Variants in NRCAM observed in about 807,000 individuals in gnomAD.
The protein encoded by NRCAM is neuronal cell adhesion molecule.
In NRCAM, 83 loss-of-function variants were observed where a neutral mutation model predicts 156.5. The ratio of observed to expected loss-of-function variants is 0.53; its 90% CI spans 0.44 to 0.64. The LOEUF (loss-of-function observed/expected upper bound fraction) is 0.64, where lower values mean the gene tolerates loss of function less well. NRCAM is among the 30% of genes least tolerant of loss of function. NRCAM has a pLI of 0.00. For missense variants in NRCAM, 1,417 were observed against 1,597.3 expected (o/e 0.89, Z 1.92); for synonymous variants, 538 against 563.9 (o/e 0.95, Z 0.65).
rs1486933360 is a variant in NRCAM at position 108,184,370 on chromosome 7, T to C, written c.2233+47A>G. ...TGGCCTTTTGCGAAGAGTGGAAAAC[T>C]TTTTTATTATATTTCGTACCCTAGA... On this transcript the variant is annotated intron_variant, in intron 21 of 32. Transcript: ENST00000379028. The C allele has an allele frequency of 1.9e-6, 3 of 1,613,432 alleles. No homozygotes were observed. The Admixed American group carries it at 5.0e-5, about 27-fold the overall frequency.
At chr7:108,377,043 A>G (rs1008490102) in intron 2 of NRCAM, among the ~76,000 whole-genome samples, 1 of 133,034 alleles carries the variant, frequency 7.5e-6, no homozygotes, top group African/African-American at 2.5e-5. Flanking sequence ...ATGTACCTGT[A>G]GTCCTAGCTA....
intron 1 of NRCAM, among the ~76,000 whole-genome samples, chr7:108,428,519 C>CA (rs1478594414): frequency 6.6e-6 from 1 of 152,184 alleles, no homozygotes. Context: ...TGAATAAACT[C>CA]ACAGAGGCTG....
chr7:108,250,574 CAGA>C (rs1481866736), intron 3 of NRCAM, among the ~76,000 whole-genome samples: 2 of 150,278 alleles, frequency 1.3e-5, no homozygotes, highest in Admixed American at 1.3e-4. Context: ...GGAGGTAGAG[CAGA>C]AGAATGGTCA....
intron 2 of NRCAM, among the ~76,000 whole-genome samples, chr7:108,326,516 C>T (rs980026309): frequency 9.9e-5 from 15 of 151,922 alleles, no homozygotes; most frequent in African/African-American, 3.4e-4. Context: ...TGGAAAGAAA[C>T]CATGAAAATC....
At chr7:108,273,966 C>T (rs943855028) in intron 3 of NRCAM, among the ~76,000 whole-genome samples, 10 of 152,182 alleles carry the variant, frequency 6.6e-5, no homozygotes, top group African/African-American at 2.4e-4. Flanking sequence ...ATATGGCTAG[C>T]CAGTTTGCCC....
intron 32 of NRCAM, among the ~76,000 whole-genome samples, chr7:108,153,198 AC>A (rs1178273630): frequency 6.6e-6 from 1 of 152,128 alleles, no homozygotes; most frequent in Non-Finnish European, 1.5e-5. Flanking sequence ...AAAACCCCAA[AC>A]AAACCATGAC....
At chr7:108,176,723 C>T in intron 26 of NRCAM, 117 bp from the exon 27 acceptor site, 1 of 721,188 alleles carries the variant, frequency 1.4e-6, no homozygotes, top group Non-Finnish European at 2.3e-6. Context: ...TTTTATAATC[C>T]CACTCACTCT....
chr7:108,184,261 T>A lies in NRCAM; in HGVS notation c.2284A>T (p.Asn762Tyr). ...AVEGLGSEPD[N>Y]LVITWKPLNG... ...CTCACCTTCCACGTAATCACCAAATTATCAGGCTCTGATCCCAGTCCTTCC... is the reference window on the plus strand; with the variant it reads ...CTCACCTTCCACGTAATCACCAAATAATCAGGCTCTGATCCCAGTCCTTCC... The change falls in exon 22 of 33, where the codon AAT becomes TAT. Residue 762 changes from asparagine to tyrosine, a missense_variant. Around this residue, in one of 2 missense-constraint regions of NRCAM, gnomAD observed 1,238 missense variants for 1,336.4 expected, o/e 0.93. Coordinates refer to ENST00000379028, the MANE Select transcript of NRCAM (RefSeq NM_001037132.4). The A allele has an allele frequency of 6.2e-7, 1 of 1,614,076 alleles. No individual in the cohort carries two copies. The highest frequency in any genetic ancestry group is 8.5e-7 in the Non-Finnish European group (1 of 1,179,968).
chr7:108,356,540 T>C (rs536120082), intron 2 of NRCAM, among the ~76,000 whole-genome samples: 15 of 152,244 alleles, frequency 9.9e-5, no homozygotes, highest in African/African-American at 3.6e-4. Context: ...TGGCCTAACC[T>C]AAAAATCTGT....
chr7:108,418,597 A>G lies in NRCAM; in HGVS notation c.-331-19004T>C, dbSNP rs568615933. 1.9e-4 allele frequency among the ~76,000 whole-genome samples: 28 copies of G among 149,234 alleles called. No homozygotes were observed. In the East Asian group the frequency reaches 3.0e-3, roughly 16 times the overall value. ...CACACACACACACACACACACACAC[A>G]CACGCACTGAAAGTTGCTATCACTA... On this transcript the variant is annotated intron_variant, in intron 1 of 32. Transcript: ENST00000379028.
chr7:108,364,890 G>A (rs990298174), intron 2 of NRCAM, among the ~76,000 whole-genome samples: 6 of 152,164 alleles, frequency 3.9e-5, no homozygotes, highest in Non-Finnish European at 5.9e-5. Flanking sequence ...TGGAGATGAC[G>A]AAAGAGTTTT....
At chr7:108,404,254 C>CCTT (rs10645783) in intron 1 of NRCAM, among the ~76,000 whole-genome samples, 128,540 of 151,842 alleles carry the variant, frequency 0.85, 54,630 homozygotes, top group South Asian at 0.92. Flanking sequence ...TGGCTTGCTT[C>CCTT]CTTCTCAGTT....
chr7:108,356,090 A>G lies in NRCAM; in HGVS notation c.-174+43346T>C, dbSNP rs1177731954. 5.9e-5 allele frequency among the ~76,000 whole-genome samples: 9 copies of G among 152,096 alleles called. No homozygotes were observed. The East Asian group carries it at 1.5e-3, about 26-fold the overall frequency. On this transcript the variant is annotated intron_variant, in intron 2 of 32. Transcript: ENST00000379028. ...CACCCTGCTGAGTAGCTGGGACTAC[A>G]GGCATGTACCACCACATCTGGCTAA...
chr7:108,157,222 G>A (rs1216537985), intron 32 of NRCAM, among the ~76,000 whole-genome samples: 2 of 152,172 alleles, frequency 1.3e-5, no homozygotes, highest in Admixed American at 1.3e-4. Context: ...TTGTCTTCGT[G>A]TCAATTGGGT....
chr7:108,442,076 A>G (rs951477482), intron 1 of NRCAM, among the ~76,000 whole-genome samples: 1 of 152,234 alleles, frequency 6.6e-6, no homozygotes, highest in Non-Finnish European at 1.5e-5. Context: ...CAGAGAGACA[A>G]CTTTACATAT....
rs535618418 is a variant in NRCAM at position 108,337,063 on chromosome 7, A to G, written c.-173-24332T>C. Among the ~76,000 whole-genome samples, 20 of 152,214 alleles carry G rather than the reference A, an allele frequency of 1.3e-4. No homozygotes were observed. The South Asian group carries it at 4.2e-3, about 32-fold the overall frequency. On this transcript the variant is annotated intron_variant, in intron 2 of 32. Coordinates refer to ENST00000379028, the MANE Select transcript of NRCAM (RefSeq NM_001037132.4). ...ATGAATCGCTTGAGGCCAGGAATTC[A>G]AGACCAGCTGGCCAACATGGTGAAA...
In NRCAM at chr7:108,393,218, T is replaced by C. The variant is rs138899767; in HGVS notation, c.-174+6218A>G. On this transcript the variant is annotated intron_variant, in intron 2 of 32. Coordinates refer to ENST00000379028, the MANE Select transcript of NRCAM (RefSeq NM_001037132.4). Reference sequence around the variant, plus strand: ...TTGAGCTGAGGTGGACTCTACCCAGTTCGAGCTTCCCGGCAGCTTTGTTTA... The same window carrying C: ...TTGAGCTGAGGTGGACTCTACCCAGCTCGAGCTTCCCGGCAGCTTTGTTTA... Among the ~76,000 whole-genome samples, 331 of 152,254 alleles carry C rather than the reference T, an allele frequency of 2.2e-3. 2 individuals are homozygous for C. Among genetic ancestry groups the C allele is most frequent in the African/African-American group, 7.3e-3 (304 of 41,532 alleles).
At chr7:108,329,608 A>G (rs1347824473) in intron 2 of NRCAM, among the ~76,000 whole-genome samples, 1 of 152,240 alleles carries the variant, frequency 6.6e-6, no homozygotes, top group Non-Finnish European at 1.5e-5. Context: ...TGACTGTTAC[A>G]TGAACAATGG....
intron 2 of NRCAM, among the ~76,000 whole-genome samples, chr7:108,348,271 T>C (rs143954472): frequency 9.9e-5 from 15 of 152,174 alleles, no homozygotes; most frequent in African/African-American, 3.6e-4. Flanking sequence ...GGAGACACAG[T>C]GATAAATTTC....
Sources: allele counts gnomAD v4.1 joint callset (sites outside exome capture counted in the v4.1 genomes callset), GRCh38; gene constraint gnomAD v4.1.1; regional missense constraint gnomAD v4.1.1; transcripts MANE v1.5; gene names NCBI Gene and HGNC (gene_info 2026-07-23, HGNC 2026-07-21).